SOX5: variants seen among roughly 807,000 people sequenced by gnomAD.
SOX5 encodes the protein SRY-box transcription factor 5, also known as transcription factor SOX-5.
In SOX5, 9 loss-of-function variants were observed where a neutral mutation model predicts 92.0. That is an observed-to-expected ratio of 0.10 (90% CI 0.06 to 0.17). The LOEUF is 0.17. SOX5 is among the 10% of genes least tolerant of loss of function. SOX5 has a pLI of 1.00. For synonymous variants in SOX5, 344 were observed against 336.3 expected, an observed-to-expected ratio of 1.02 and a Z score of -0.25; for missense variants, 642 against 944.5, an observed-to-expected ratio of 0.68 and a Z score of 4.20.
intron 2 of SOX5, among the ~76,000 whole-genome samples, chr12:23,853,969 G>C (rs2096661006): frequency 6.6e-6 from 1 of 152,014 alleles, no homozygotes; most frequent in Non-Finnish European, 1.5e-5. Flanking sequence ...ATTGTAACTA[G>C]CCACTGATTA....
At chr12:24,475,438 A>G (rs1047745370) in intron 1 of SOX5, among the ~76,000 whole-genome samples, 19 of 152,182 alleles carry the variant, frequency 1.2e-4, no homozygotes, top group African/African-American at 4.6e-4. Flanking sequence ...TCTTAAGCAC[A>G]TGCACTAGAA....
At chr12:23,799,993 A>C (rs2095632732) in intron 3 of SOX5, among the ~76,000 whole-genome samples, 1 of 152,094 alleles carries the variant, frequency 6.6e-6, no homozygotes, top group African/African-American at 2.4e-5. Flanking sequence ...TTTAAATAAA[A>C]TATGTCATTG....
intron 4 of SOX5, among the ~76,000 whole-genome samples, chr12:24,186,192 C>T (rs1565612741): frequency 6.6e-6 from 1 of 151,994 alleles, no homozygotes; most frequent in Non-Finnish European, 1.5e-5. Flanking sequence ...AACAAAAAAA[C>T]AACACTGGAA....
chr12:23,589,919 G>T (rs1951287736), intron 9 of SOX5, among the ~76,000 whole-genome samples: 1 of 151,824 alleles, frequency 6.6e-6, no homozygotes, highest in Non-Finnish European at 1.5e-5. Flanking sequence ...TACCCTCATG[G>T]GACTGAGGAT....
chr12:24,055,772 A>C (rs1040625193), intron 4 of SOX5, among the ~76,000 whole-genome samples: 1 of 152,256 alleles, frequency 6.6e-6, no homozygotes, highest in Non-Finnish European at 1.5e-5. Context: ...TGACATTTTA[A>C]ACAATGAAAA....
chr12:24,420,944 C>T (rs1965816937), intron 1 of SOX5, among the ~76,000 whole-genome samples: 2 of 152,106 alleles, frequency 1.3e-5, no homozygotes, highest in African/African-American at 2.4e-5. Flanking sequence ...AAAATCCATA[C>T]TGTGGGAAAT....
intron 3 of SOX5, among the ~76,000 whole-genome samples, chr12:23,820,212 C>G (rs1406067557): frequency 2.6e-5 from 4 of 151,928 alleles, no homozygotes; most frequent in Admixed American, 1.3e-4. Context: ...GTTTTTTGGC[C>G]GCATAAATGT....
intron 2 of SOX5, among the ~76,000 whole-genome samples, chr12:24,335,015 T>A (rs1247889454): frequency 6.6e-6 from 1 of 152,148 alleles, no homozygotes; most frequent in Non-Finnish European, 1.5e-5. Flanking sequence ...ATTTTCCCAA[T>A]TGTCTGAAAT....
chr12:23,989,825 T>C (rs1950394579), intron 4 of SOX5, among the ~76,000 whole-genome samples: 1 of 152,072 alleles, frequency 6.6e-6, no homozygotes, highest in African/African-American at 2.4e-5. Flanking sequence ...CTGTAAGAAA[T>C]AAATTTCTGT....
intron 2 of SOX5, among the ~76,000 whole-genome samples, chr12:23,865,683 C>A (rs7309917): frequency 0.9 from 136,781 of 152,050 alleles, 61,588 homozygotes; most frequent in African/African-American, 0.94. Flanking sequence ...TCAAAAAAAA[C>A]GAAAAAAAAT....
intron 3 of SOX5, among the ~76,000 whole-genome samples, chr12:23,763,103 T>C (rs574341138): frequency 6.6e-6 from 1 of 152,316 alleles, no homozygotes; most frequent in South Asian, 2.1e-4. Flanking sequence ...AATGATAATA[T>C]AATGTCACAT....
chr12:23,551,271 G>T (rs1037209544), intron 11 of SOX5, among the ~76,000 whole-genome samples: 3 of 151,850 alleles, frequency 2.0e-5, no homozygotes, highest in Admixed American at 6.6e-5. Context: ...CAAAGAAGAT[G>T]AAAGATTACT....
In SOX5 at chr12:24,041,561, C is replaced by T. The variant is rs1039461029; in HGVS notation, c.-1-145537G>A. 2.6e-5 allele frequency among the ~76,000 whole-genome samples: 4 copies of T among 152,146 alleles called. No homozygotes were observed. In the East Asian group the frequency reaches 7.7e-4, roughly 29 times the overall value. ...TTGCTTAAAGTCCTTAAACCGCTTACTTTATTATTTCTTTCTCAAAACTCA... is the reference window on the plus strand; with the variant it reads ...TTGCTTAAAGTCCTTAAACCGCTTATTTTATTATTTCTTTCTCAAAACTCA... On this transcript the variant is annotated intron_variant, in intron 4 of 4. Transcript: ENST00000446891.
At position 23,923,782 on chromosome 12, in the gene SOX5, C is replaced by T. The variant is rs757529651; in HGVS notation, c.38+25782G>A. Among the ~76,000 whole-genome samples the T allele has an allele frequency of 3.9e-5, 6 of 152,062 alleles. No individual in the cohort carries two copies. In the East Asian group the frequency reaches 7.7e-4, roughly 20 times the overall value. ...CCATGTTCAAAGCTGATCATGATTACGTGATTTTATTTATGCTGGTGCTAA... is the reference window on the plus strand; with the variant it reads ...CCATGTTCAAAGCTGATCATGATTATGTGATTTTATTTATGCTGGTGCTAA... On this transcript the variant is annotated intron_variant, in intron 1 of 14. Coordinates refer to ENST00000451604, the MANE Select transcript of SOX5 (RefSeq NM_006940.6).
At position 24,162,378 on chromosome 12, in the gene SOX5, T is replaced by C. The variant is rs147082855; in HGVS notation, c.-2+50965A>G. ...AGTCATCCTCATAATTAGACAAAAG[T>C]AATGACTCCTAAGTAAGTCTGATAT... On this transcript the variant is annotated intron_variant, in intron 4 of 4. Transcript: ENST00000446891. Among the ~76,000 whole-genome samples, 16 of 152,210 alleles carry C rather than the reference T, an allele frequency of 1.1e-4. No individual in the cohort carries two copies. In the East Asian group the frequency reaches 3.1e-3, roughly 29 times the overall value.
Position 24,144,983 on chromosome 12 carries a change from T to C in SOX5, c.-2+68360A>G, listed in dbSNP as rs896672860. Among the ~76,000 whole-genome samples the C allele has an allele frequency of 3.9e-5, 6 of 152,094 alleles. No homozygotes were observed. The East Asian group carries it at 5.8e-4, about 15-fold the overall frequency. ...GGTGTGCACCTGTAGTCCAAGCTGC[T>C]TGGGAGGTGGAGATGGGAGAATCAC... On this transcript the variant is annotated intron_variant, in intron 4 of 4. Transcript: ENST00000446891.
intron 3 of SOX5, among the ~76,000 whole-genome samples, chr12:24,228,179 C>A (rs1962517404): frequency 6.6e-6 from 1 of 152,156 alleles, no homozygotes; most frequent in Admixed American, 6.5e-5. Context: ...ATTTTGTATG[C>A]CACAGAAAAC....
At chr12:23,878,725 T>A (rs1286087682) in intron 2 of SOX5, among the ~76,000 whole-genome samples, 9 of 152,136 alleles carry the variant, frequency 5.9e-5, no homozygotes, top group African/African-American at 2.2e-4. Flanking sequence ...TTTTATCTGT[T>A]CATATTTTTT....
intron 1 of SOX5, among the ~76,000 whole-genome samples, chr12:24,512,479 A>C (rs1949412754): frequency 6.6e-6 from 1 of 152,238 alleles, no homozygotes; most frequent in Admixed American, 6.5e-5. Flanking sequence ...TTAAGACTCA[A>C]ATATAACACC....
Sources: allele counts gnomAD v4.1 joint callset (sites outside exome capture counted in the v4.1 genomes callset), GRCh38; gene constraint gnomAD v4.1.1; transcripts MANE v1.5; gene names NCBI Gene and HGNC (gene_info 2026-07-23, HGNC 2026-07-21).